Variants in LRRTM3 observed in about 807,000 individuals in gnomAD.
LRRTM3 encodes the protein leucine rich repeat transmembrane neuronal 3.
Under a neutral mutation model 44.7 loss-of-function variants are expected in LRRTM3, and 24 were observed. The ratio of observed to expected loss-of-function variants is 0.54; its 90% CI spans 0.39 to 0.76. The LOEUF is 0.76. LRRTM3 is among the 30% of genes least tolerant of loss of function. The pLI is 0.00. For synonymous variants in LRRTM3, 277 were observed against 278.7 expected, an observed-to-expected ratio of 0.99 and a Z score of 0.06; for missense variants, 587 against 702.2, an observed-to-expected ratio of 0.84 and a Z score of 1.85.
chr10:66,942,068 G>T (rs1302580679), intron 2 of LRRTM3, among the ~76,000 whole-genome samples: 1 of 152,130 alleles, frequency 6.6e-6, no homozygotes, highest in Non-Finnish European at 1.5e-5. Flanking sequence ...TTCCTCATCT[G>T]TAAAATGGGA....
chr10:66,979,721 C>T (rs1053126768), intron 2 of LRRTM3, among the ~76,000 whole-genome samples: 8 of 152,078 alleles, frequency 5.3e-5, no homozygotes, highest in Non-Finnish European at 1.0e-4. Context: ...ACATTGAGTG[C>T]CCAATAAATG....
intron 2 of LRRTM3, among the ~76,000 whole-genome samples, chr10:66,933,809 G>T (rs1290566411): frequency 6.6e-6 from 1 of 152,108 alleles, no homozygotes; most frequent in Non-Finnish European, 1.5e-5. Flanking sequence ...ATGACAAAAG[G>T]CTTCCTCCGC....
chr10:66,992,414 C>A (rs1851090644), intron 2 of LRRTM3, among the ~76,000 whole-genome samples: 1 of 151,982 alleles, frequency 6.6e-6, no homozygotes. Context: ...CCTCCTCCTC[C>A]ACTCCTCTTT....
rs1480535843 is a variant in LRRTM3 at position 67,015,436 on chromosome 10, C to T, written c.1537-82151C>T. 2.0e-5 allele frequency: 3 copies of T among 152,096 alleles called. No individual in the cohort carries two copies. In the East Asian group the frequency reaches 5.8e-4, roughly 29 times the overall value. 9.4% of individuals were successfully genotyped at this position (152,096 alleles called of 1,614,324 possible). A position where few individuals can be genotyped will look rare whatever the true frequency, so the allele number is the denominator to read the frequency against. On this transcript the variant is annotated intron_variant, in intron 2 of 2. Transcript: ENST00000361320. Reference sequence around the variant, plus strand: ...GTCTTTCTCTTGATACTATATTTGACTGAAAATAAAACTTGAGTCATACTT... The same window carrying T: ...GTCTTTCTCTTGATACTATATTTGATTGAAAATAAAACTTGAGTCATACTT...
intron 2 of LRRTM3, among the ~76,000 whole-genome samples, chr10:67,053,800 T>A (rs7904436): frequency 6.6e-6 from 1 of 152,154 alleles, no homozygotes; most frequent in African/African-American, 2.4e-5. Context: ...CATTTTCCCA[T>A]TGAGATTAAT....
At chr10:66,994,678 T>A (rs1851232625) in intron 2 of LRRTM3, among the ~76,000 whole-genome samples, 1 of 152,162 alleles carries the variant, frequency 6.6e-6, no homozygotes, top group Non-Finnish European at 1.5e-5. Flanking sequence ...CCAAACAGAA[T>A]TTTCAACATT....
intron 2 of LRRTM3, among the ~76,000 whole-genome samples, chr10:67,012,562 T>C (rs1852405019): frequency 6.6e-6 from 1 of 152,190 alleles, no homozygotes; most frequent in African/African-American, 2.4e-5. Flanking sequence ...TTCTTTTTCA[T>C]CTTAGAAAAC....
At chr10:66,979,367 G>C (rs998891255) in intron 2 of LRRTM3, among the ~76,000 whole-genome samples, 1 of 152,010 alleles carries the variant, frequency 6.6e-6, no homozygotes, top group African/African-American at 2.4e-5. Flanking sequence ...GTTTTAATTT[G>C]CTCACAGTAT....
At chr10:66,957,044 C>T (rs928694381) in intron 2 of LRRTM3, among the ~76,000 whole-genome samples, 11 of 152,142 alleles carry the variant, frequency 7.2e-5, no homozygotes, top group Non-Finnish European at 1.2e-4. Flanking sequence ...AGCCATAATG[C>T]TACCTAGCTC....
intron 2 of LRRTM3, among the ~76,000 whole-genome samples, chr10:67,085,565 A>G (rs531746109): frequency 6.6e-6 from 1 of 152,004 alleles, no homozygotes; most frequent in Non-Finnish European, 1.5e-5. Flanking sequence ...ATCAACAAGA[A>G]GTATTTTATT....
At chr10:67,092,465 C>T (rs1488354298) in intron 2 of LRRTM3, among the ~76,000 whole-genome samples, 4 of 151,772 alleles carry the variant, frequency 2.6e-5, no homozygotes, top group African/African-American at 9.7e-5. Flanking sequence ...TTAAAAATAA[C>T]CTTTTCTATC....
Position 66,926,996 on chromosome 10 carries a change from T to A in LRRTM3, c.80T>A (p.Leu27His). ...VIAPTVLLTM[L>H]SSAERGCPKG... is the part of the protein sequence containing the mutation. ...GCCCCCACTGTCTTACTGACAATGC[T>A]TTCTTCTGCCGAACGAGGATGCCCT... The change falls in exon 2 of 3, where the codon CTT becomes CAT. Residue 27 changes from leucine to histidine, a missense_variant. Around this residue, in one of 3 missense-constraint regions of LRRTM3, gnomAD observed 50 missense variants for 43.4 expected, o/e 1.15. Transcript: ENST00000361320. 6.2e-7 allele frequency: 1 copy of A among 1,614,180 alleles called. No homozygotes were observed. The highest frequency in any genetic ancestry group is 8.5e-7 in the Non-Finnish European group (1 of 1,180,032).
chr10:66,966,888 A>T (rs947030596), intron 2 of LRRTM3, among the ~76,000 whole-genome samples: 1 of 152,102 alleles, frequency 6.6e-6, no homozygotes, highest in Non-Finnish European at 1.5e-5. Flanking sequence ...AGCTTTTCCC[A>T]TACTTTCCTG....
At chr10:67,081,288 G>A (rs1857045755) in intron 2 of LRRTM3, among the ~76,000 whole-genome samples, 3 of 152,198 alleles carry the variant, frequency 2.0e-5, no homozygotes. Flanking sequence ...ACAGTGATAT[G>A]AGAGTGACAA....
At chr10:66,988,019 C>T (rs563733950) in intron 2 of LRRTM3, among the ~76,000 whole-genome samples, 5 of 152,202 alleles carry the variant, frequency 3.3e-5, no homozygotes, top group Admixed American at 2.0e-4. Flanking sequence ...AGTATCAAAA[C>T]TTTATTTAAT....
At chr10:67,022,665 C>T (rs1023324218) in intron 2 of LRRTM3, among the ~76,000 whole-genome samples, 6 of 152,100 alleles carry the variant, frequency 3.9e-5, no homozygotes, top group Admixed American at 3.3e-4. Flanking sequence ...AGGCCGGGCA[C>T]GGTGGTTCAT....
chr10:66,999,652 G>C (rs546043181), intron 2 of LRRTM3, among the ~76,000 whole-genome samples: 11 of 152,270 alleles, frequency 7.2e-5, no homozygotes, highest in African/African-American at 2.4e-4. Context: ...ATCAGGGTTA[G>C]TTTGGGATGA....
chr10:67,031,711 CT>C (rs1354034549), intron 2 of LRRTM3, among the ~76,000 whole-genome samples: 1 of 152,088 alleles, frequency 6.6e-6, no homozygotes, highest in Non-Finnish European at 1.5e-5. Context: ...AGACTAGGAC[CT>C]TAGTTTCCGC....
chr10:67,019,038 T>C (rs1375302684), intron 2 of LRRTM3, among the ~76,000 whole-genome samples: 4 of 152,196 alleles, frequency 2.6e-5, no homozygotes, highest in Non-Finnish European at 5.9e-5. Context: ...CCATTCACTA[T>C]TACATATCTA....
Sources: allele counts gnomAD v4.1 joint callset (sites outside exome capture counted in the v4.1 genomes callset), GRCh38; gene constraint gnomAD v4.1.1; regional missense constraint gnomAD v4.1.1; transcripts MANE v1.5; gene names NCBI Gene and HGNC (gene_info 2026-07-23, HGNC 2026-07-21).